Variants in FBXW7 observed in about 807,000 individuals in gnomAD.
The protein encoded by FBXW7 is F-box and WD repeat domain containing 7.
In FBXW7, 11 loss-of-function variants were observed where a neutral mutation model predicts 86.3. The observed-to-expected ratio is 0.13, with a 90% CI of 0.08 to 0.21. FBXW7 has a LOEUF of 0.21. Among genes scored for constraint, FBXW7 ranks in the 10% least tolerant of loss-of-function variants. The pLI is 1.00. For missense variants in FBXW7, 488 were observed against 847.4 expected, an observed-to-expected ratio of 0.58 and a Z score of 5.27; for synonymous variants, 313 against 297.9, an observed-to-expected ratio of 1.05 and a Z score of -0.52.
chr4:152,422,739 C>T (rs925561347), intron 2 of FBXW7, among the ~76,000 whole-genome samples: 1 of 152,170 alleles, frequency 6.6e-6, no homozygotes, highest in African/African-American at 2.4e-5. Context: ...CCTCCAAGTG[C>T]TGATTCAGTC....
At chr4:152,326,320 T>A in intron 11 of FBXW7, 89 bp from the exon 12 acceptor site, 1 of 931,202 alleles carries the variant, frequency 1.1e-6, no homozygotes, top group Non-Finnish European at 1.6e-6. Flanking sequence ...GTAGATTTAG[T>A]CAAGGTTTTT....
intron 2 of FBXW7, among the ~76,000 whole-genome samples, chr4:152,452,010 T>G (rs539231304): frequency 1.3e-5 from 2 of 152,264 alleles, no homozygotes; most frequent in Admixed American, 1.3e-4. Context: ...TGTTTTTTAC[T>G]CTGTCTCTTG....
At chr4:152,393,303 G>T (rs1353134993) in intron 4 of FBXW7, among the ~76,000 whole-genome samples, 1 of 152,018 alleles carries the variant, frequency 6.6e-6, no homozygotes, top group Non-Finnish European at 1.5e-5. Context: ...TACCTACAAG[G>T]CACCATTTTG....
chr4:152,341,637 C>A (rs1730750938), intron 6 of FBXW7, among the ~76,000 whole-genome samples: 1 of 152,194 alleles, frequency 6.6e-6, no homozygotes, highest in African/African-American at 2.4e-5. Flanking sequence ...GCTATCATCT[C>A]AACTCTATCT....
intron 2 of FBXW7, among the ~76,000 whole-genome samples, chr4:152,456,242 T>C (rs751912261): frequency 6.6e-6 from 1 of 151,632 alleles, no homozygotes; most frequent in Non-Finnish European, 1.5e-5. Context: ...ATTTAGGCAC[T>C]GTGGCTCAAG....
chr4:152,400,401 G>T lies in FBXW7; in HGVS notation c.501+10902C>A, dbSNP rs555948692. On this transcript the variant is annotated intron_variant, in intron 4 of 13. Coordinates refer to ENST00000281708, the MANE Select transcript of FBXW7 (RefSeq NM_001349798.2). ...CATGACTTTTTGCTGGGGTAGAGTG[G>T]TATGATCTTGGCTCACCACATCCTT... 1.0e-3 allele frequency among the ~76,000 whole-genome samples: 158 copies of T among 152,226 alleles called. 3 individuals are homozygous for T. Among genetic ancestry groups the T allele is most frequent in the South Asian group, 8.9e-3 (43 of 4,828 alleles).
chr4:152,378,344 A>C (rs749694741), intron 4 of FBXW7, among the ~76,000 whole-genome samples: 4 of 152,210 alleles, frequency 2.6e-5, no homozygotes, highest in Non-Finnish European at 5.9e-5. Context: ...CGTCAGTTGT[A>C]TATTTCACTA....
chr4:152,398,548 T>C (rs1041447926), intron 4 of FBXW7, among the ~76,000 whole-genome samples: 1 of 151,726 alleles, frequency 6.6e-6, no homozygotes, highest in Admixed American at 6.6e-5. Flanking sequence ...TGAAAAAAAA[T>C]AGCATTTTAA....
At chr4:152,396,514 C>T (rs185079163) in intron 4 of FBXW7, among the ~76,000 whole-genome samples, 3 of 152,116 alleles carry the variant, frequency 2.0e-5, no homozygotes, top group East Asian at 3.9e-4. Context: ...TCTCCAGACA[C>T]GTGTTAAAGA....
intron 4 of FBXW7, among the ~76,000 whole-genome samples, chr4:152,359,970 T>C (rs1273959743): frequency 1.3e-5 from 2 of 152,192 alleles, no homozygotes; most frequent in Admixed American, 6.5e-5. Flanking sequence ...TTACCACCTG[T>C]GGACCTGAGA....
At chr4:152,522,595 T>G (rs1430682308) in intron 2 of FBXW7, among the ~76,000 whole-genome samples, 1 of 152,130 alleles carries the variant, frequency 6.6e-6, no homozygotes, top group Non-Finnish European at 1.5e-5. Flanking sequence ...ATACCTTGTT[T>G]ATACCTAACC....
intron 11 of FBXW7, among the ~76,000 whole-genome samples, chr4:152,327,487 T>C (rs1040779789): frequency 9.9e-5 from 15 of 151,926 alleles, no homozygotes; most frequent in Non-Finnish European, 7.4e-5. Flanking sequence ...AATAGAAAGA[T>C]AGGATTTTAA....
At chr4:152,370,428 C>G (rs1733907695) in intron 4 of FBXW7, among the ~76,000 whole-genome samples, 1 of 151,844 alleles carries the variant, frequency 6.6e-6, no homozygotes, top group South Asian at 2.1e-4. Flanking sequence ...CCTTTTCTGT[C>G]TCTTTTATGT....
At chr4:152,412,844 G>A (rs890035141) in intron 2 of FBXW7, among the ~76,000 whole-genome samples, 3 of 152,054 alleles carry the variant, frequency 2.0e-5, no homozygotes, top group Non-Finnish European at 4.4e-5. Flanking sequence ...TTAGGCAGTG[G>A]TATTACTGAT....
chr4:152,323,243 C>A (rs1728704312), intron 13 of FBXW7, 94 bp from the exon 14 acceptor site: 1 of 1,320,746 alleles, frequency 7.6e-7, no homozygotes, highest in South Asian at 1.5e-5. Flanking sequence ...TTAGAACATA[C>A]AATAAATGCA....
At chr4:152,428,172 T>C (rs1739550902) in intron 2 of FBXW7, among the ~76,000 whole-genome samples, 1 of 152,174 alleles carries the variant, frequency 6.6e-6, no homozygotes, top group African/African-American at 2.4e-5. Context: ...GTCTCGTTTC[T>C]ACTGACACCA....
At chr4:152,458,281 A>C (rs1742627048) in intron 2 of FBXW7, among the ~76,000 whole-genome samples, 1 of 152,186 alleles carries the variant, frequency 6.6e-6, no homozygotes, top group African/African-American at 2.4e-5. Flanking sequence ...GCCTCCCCAA[A>C]GTGCTGGGAT....
chr4:152,492,788 A>G (rs536699875), intron 2 of FBXW7, among the ~76,000 whole-genome samples: 5 of 152,240 alleles, frequency 3.3e-5, no homozygotes, highest in Admixed American at 6.5e-5. Context: ...AGAGTAACAA[A>G]GAATAGTAAG....
At chr4:152,454,387 A>G (rs1742217705) in intron 2 of FBXW7, among the ~76,000 whole-genome samples, 3 of 151,578 alleles carry the variant, frequency 2.0e-5, no homozygotes, top group Admixed American at 2.0e-4. Flanking sequence ...TTTCCTACAG[A>G]TAACTTTTTT....
Sources: gnomAD v4.1 joint callset for allele counts (sites outside exome capture counted in the v4.1 genomes callset) on GRCh38, gnomAD v4.1.1 for gene constraint, MANE v1.5 for transcripts, NCBI Gene and HGNC (gene_info 2026-07-23, HGNC 2026-07-21) for gene names.